Variants in UNC5D observed in about 807,000 individuals in gnomAD.
UNC5D encodes the protein netrin receptor UNC5D.
In UNC5D, 39 loss-of-function variants were observed where a neutral mutation model predicts 105.4. The ratio of observed to expected loss-of-function variants is 0.37; its 90% CI spans 0.29 to 0.48. The LOEUF is 0.48. Among genes scored for constraint, UNC5D ranks in the 20% least tolerant of loss-of-function variants. The pLI, the probability that UNC5D is intolerant of heterozygous loss-of-function variation, is 0.98. For synonymous variants in UNC5D, 452 were observed against 450.4 expected (o/e 1.00, Z -0.04); for missense variants, 991 against 1,202.4 (o/e 0.82, Z 2.60).
intron 1 of UNC5D, among the ~76,000 whole-genome samples, chr8:35,254,151 T>C (rs1277278546): frequency 6.6e-6 from 1 of 152,200 alleles, no homozygotes; most frequent in African/African-American, 2.4e-5. Flanking sequence ...TTGTAAACTT[T>C]TGGAAGCAGG....
intron 8 of UNC5D, among the ~76,000 whole-genome samples, chr8:35,714,603 C>T (rs1828145506): frequency 6.6e-6 from 1 of 152,196 alleles, no homozygotes; most frequent in Non-Finnish European, 1.5e-5. Flanking sequence ...ACAGGTCAAA[C>T]TTCAAGAGAA....
intron 1 of UNC5D, among the ~76,000 whole-genome samples, chr8:35,396,282 A>G (rs1804096177): frequency 6.6e-6 from 1 of 152,128 alleles, no homozygotes; most frequent in Non-Finnish European, 1.5e-5. Context: ...GCTATGATGC[A>G]TTACAACGAA....
At chr8:35,395,899 A>T (rs1432669256) in intron 1 of UNC5D, among the ~76,000 whole-genome samples, 1 of 152,194 alleles carries the variant, frequency 6.6e-6, no homozygotes, top group Non-Finnish European at 1.5e-5. Context: ...GAGCTGGGGC[A>T]CTGGCACACA....
At chr8:35,401,114 CATAATT>C (rs1449652584) in intron 1 of UNC5D, among the ~76,000 whole-genome samples, 1 of 152,006 alleles carries the variant, frequency 6.6e-6, no homozygotes, top group Non-Finnish European at 1.5e-5. Flanking sequence ...GTAAAATACT[CATAATT>C]AAAAAGGAAA....
At position 35,791,791 on chromosome 8, in the gene UNC5D, C is replaced by G. The variant is rs1246770080; in HGVS notation, c.*1228C>G. 6.6e-6 allele frequency: 1 copy of G among 152,068 alleles called. No individual in the cohort carries two copies. The highest frequency in any genetic ancestry group is 1.5e-5 in the Non-Finnish European group (1 of 68,000). The allele number at this position is 152,068 out of a possible 1,614,324, so 9.4% of individuals were successfully genotyped here. A position where few individuals can be genotyped will look rare whatever the true frequency, so the allele number is the denominator to read the frequency against. On this transcript the variant is annotated 3_prime_UTR_variant, in exon 17 of 17. Coordinates refer to ENST00000404895, the MANE Select transcript of UNC5D (RefSeq NM_080872.4). Reference sequence around the variant, plus strand: ...TATTCAGCCTCCCTGAATATGCTTTCTCTATAGAACCACTAACATATGGCT... The same window carrying G: ...TATTCAGCCTCCCTGAATATGCTTTGTCTATAGAACCACTAACATATGGCT...
intron 8 of UNC5D, among the ~76,000 whole-genome samples, chr8:35,714,454 T>C (rs1266469955): frequency 2.0e-5 from 3 of 152,036 alleles, no homozygotes; most frequent in Non-Finnish European, 4.4e-5. Flanking sequence ...ATCAAGGAAA[T>C]CGTTGGCACT....
intron 1 of UNC5D, among the ~76,000 whole-genome samples, chr8:35,438,838 C>A (rs1807204347): frequency 6.6e-6 from 1 of 151,944 alleles, no homozygotes; most frequent in Non-Finnish European, 1.5e-5. Flanking sequence ...GAACATTTAT[C>A]AGAGGCCCAT....
At chr8:35,393,567 C>T (rs1258565937) in intron 1 of UNC5D, among the ~76,000 whole-genome samples, 2 of 152,090 alleles carry the variant, frequency 1.3e-5, no homozygotes, top group African/African-American at 2.4e-5. Flanking sequence ...CTCAGTAATG[C>T]TTTATGTGGA....
At chr8:35,731,541 G>GA (rs1829199439) in intron 11 of UNC5D, among the ~76,000 whole-genome samples, 1 of 151,616 alleles carries the variant, frequency 6.6e-6, no homozygotes, top group South Asian at 2.1e-4. Flanking sequence ...CTCTAGAAAG[G>GA]AAAAAAACAA....
intron 4 of UNC5D, among the ~76,000 whole-genome samples, chr8:35,645,276 T>A (rs1423772124): frequency 6.6e-6 from 1 of 152,150 alleles, no homozygotes; most frequent in Non-Finnish European, 1.5e-5. Flanking sequence ...GATCCCTAAT[T>A]TGGGCATTAT....
intron 1 of UNC5D, among the ~76,000 whole-genome samples, chr8:35,535,838 T>G (rs948348604): frequency 2.0e-5 from 3 of 152,224 alleles, no homozygotes; most frequent in African/African-American, 4.8e-5. Context: ...TATTATAGAC[T>G]GACTGCCTAT....
intron 7 of UNC5D, among the ~76,000 whole-genome samples, chr8:35,702,471 A>G (rs191638448): frequency 2.1e-4 from 32 of 152,152 alleles, no homozygotes; most frequent in Non-Finnish European, 3.5e-4. Flanking sequence ...CACCACCACC[A>G]AGAACCATGG....
intron 1 of UNC5D, among the ~76,000 whole-genome samples, chr8:35,450,122 T>A (rs916543762): frequency 3.9e-5 from 6 of 152,208 alleles, no homozygotes; most frequent in African/African-American, 1.4e-4. Context: ...CTGCTGAGTT[T>A]TAAGCTGCCT....
intron 1 of UNC5D, among the ~76,000 whole-genome samples, chr8:35,424,392 T>C (rs1325134461): frequency 6.6e-6 from 1 of 152,220 alleles, no homozygotes; most frequent in Non-Finnish European, 1.5e-5. Flanking sequence ...GGAAACCCAG[T>C]GTGTATTTTA....
At chr8:35,613,510 T>C (rs534991716) in intron 4 of UNC5D, among the ~76,000 whole-genome samples, 4 of 152,358 alleles carry the variant, frequency 2.6e-5, no homozygotes, top group Non-Finnish European at 5.9e-5. Flanking sequence ...ACTAATACTC[T>C]TTAATAAATT....
intron 2 of UNC5D, among the ~76,000 whole-genome samples, chr8:35,555,918 CACACACAG>C (rs1458998201): frequency 1.7e-5 from 2 of 117,462 alleles, no homozygotes; most frequent in Non-Finnish European, 3.3e-5. Flanking sequence ...CACACACACA[CACACACAG>C]AAAAAGAAAC....
intron 1 of UNC5D, among the ~76,000 whole-genome samples, chr8:35,545,668 C>A (rs781345932): frequency 4.6e-5 from 7 of 151,946 alleles, no homozygotes; most frequent in South Asian, 2.1e-4. Context: ...AAAAAAGATT[C>A]TTATTTTCAC....
At chr8:35,250,529 C>G (rs1803621198) in intron 1 of UNC5D, among the ~76,000 whole-genome samples, 1 of 152,122 alleles carries the variant, frequency 6.6e-6, no homozygotes, top group African/African-American at 2.4e-5. Flanking sequence ...GAGTCTCGCT[C>G]TGTTGCCTAG....
intron 4 of UNC5D, among the ~76,000 whole-genome samples, chr8:35,676,887 A>G (rs1244106429): frequency 2.0e-5 from 3 of 149,960 alleles, no homozygotes; most frequent in Admixed American, 6.6e-5. Flanking sequence ...GCAAATCTAC[A>G]TCTCACTCAT....
Sources: allele counts gnomAD v4.1 joint callset (sites outside exome capture counted in the v4.1 genomes callset), GRCh38; gene constraint gnomAD v4.1.1; transcripts MANE v1.5; gene names NCBI Gene and HGNC (gene_info 2026-07-23, HGNC 2026-07-21).